LMX1A: variants seen among roughly 807,000 people sequenced by gnomAD.
The protein encoded by LMX1A is LIM homeobox transcription factor 1 alpha.
Under a neutral mutation model 49.1 loss-of-function variants are expected in LMX1A, and 15 were observed. The ratio of observed to expected loss-of-function variants is 0.31; its 90% confidence interval spans 0.20 to 0.47. The LOEUF is 0.47. Ranked by LOEUF, LMX1A falls within the 20% of genes least tolerant of loss-of-function variation. The probability of loss-of-function intolerance (pLI) is 1.00; values close to 1 mark genes in which losing one functional copy is unlikely to be tolerated. For synonymous variants in LMX1A, 167 were observed against 185.7 expected (o/e 0.90, Z 0.82); for missense variants, 372 against 475.8 (o/e 0.78, Z 2.03).
intron 4 of LMX1A, among the ~76,000 whole-genome samples, chr1:165,232,122 C>G (rs1652262218): frequency 6.6e-6 from 1 of 152,184 alleles, no homozygotes. Flanking sequence ...AAACCAGCCT[C>G]AAGGTCCACA....
chr1:165,225,761 A>ATGCTGC (rs201763619), intron 4 of LMX1A, among the ~76,000 whole-genome samples: 1 of 152,092 alleles, frequency 6.6e-6, no homozygotes, highest in Admixed American at 6.5e-5. Flanking sequence ...TTCCCAGGTG[A>ATGCTGC]TGCTGCTGCT....
chr1:165,327,336 G>T (rs971337419), intron 3 of LMX1A, among the ~76,000 whole-genome samples: 1 of 152,170 alleles, frequency 6.6e-6, no homozygotes, highest in African/African-American at 2.4e-5. Context: ...CCAAGCAGAG[G>T]CTCAAGCCAT....
At chr1:165,250,287 T>G (rs540720155) in intron 3 of LMX1A, among the ~76,000 whole-genome samples, 61 of 152,200 alleles carry the variant, frequency 4.0e-4, no homozygotes, top group African/African-American at 1.4e-3. Flanking sequence ...ATGCCCAGAA[T>G]GTATTTGCTG....
rs777169981 is a variant in LMX1A, at chr1:165,203,903, G to T, written c.1126C>A (p.Gln376Lys). Residue 376 changes from glutamine (Q) to lysine (K), a missense_variant, in exon 9 of 9, where the codon CAG becomes AAG. By Grantham distance (53) the Gln-to-Lys change is moderately conservative. This residue lies in a region of LMX1A where 127 missense variants were observed against 138.0 expected (regional missense o/e 0.92). Transcript: ENST00000342310. ...GNPIDHLYSMQNSYFTS is the reference protein window; with the variant it reads ...GNPIDHLYSMKNSYFTS Reference sequence around the variant, plus strand: ...ACTCAAGATGTGAAGTAAGAATTCTGCATGGAGTACAGATGGTCAATGGGG... The same window carrying T: ...ACTCAAGATGTGAAGTAAGAATTCTTCATGGAGTACAGATGGTCAATGGGG... 6.2e-7 allele frequency: 1 copy of T among 1,614,090 alleles called. No individual in the cohort carries two copies. Among genetic ancestry groups the T allele is most frequent in the Non-Finnish European group, 8.5e-7 (1 of 1,179,972 alleles).
intron 4 of LMX1A, among the ~76,000 whole-genome samples, chr1:165,231,687 TGTGTTTGGTGCAAAATTATA>T (rs1407112147): frequency 6.6e-6 from 1 of 152,248 alleles, no homozygotes. Flanking sequence ...CCCATGAACC[TGTGTTTGGTGCAAAATTATA>T]GTTGTTGTTA....
intron 4 of LMX1A, among the ~76,000 whole-genome samples, chr1:165,248,909 T>C (rs1376554164): frequency 4.6e-5 from 7 of 152,210 alleles, no homozygotes; most frequent in Admixed American, 4.6e-4. Context: ...TTAGCAGACA[T>C]GATGTGTGCA....
At chr1:165,240,501 C>G (rs762318897) in intron 4 of LMX1A, among the ~76,000 whole-genome samples, 7 of 152,172 alleles carry the variant, frequency 4.6e-5, no homozygotes. Flanking sequence ...TGCTGCTCAG[C>G]ATTCACTATT....
At chr1:165,265,203 CAAA>C (rs528674072) in intron 3 of LMX1A, among the ~76,000 whole-genome samples, 5 of 121,394 alleles carry the variant, frequency 4.1e-5, no homozygotes, top group Non-Finnish European at 1.7e-5. Context: ...GACTCTGTCT[CAAA>C]AAAAAAAAAA....
chr1:165,226,655 A>G (rs954862877), intron 4 of LMX1A, among the ~76,000 whole-genome samples: 20 of 152,214 alleles, frequency 1.3e-4, no homozygotes, highest in Admixed American at 3.3e-4. Context: ...TGCTGAGCTT[A>G]ACCTTGCTGT....
chr1:165,249,704 C>G (rs1418571607), intron 3 of LMX1A, 64 bp from the exon 4 acceptor site: 2 of 1,252,630 alleles, frequency 1.6e-6, no homozygotes, highest in African/African-American at 3.0e-5. Flanking sequence ...CCTGGGTCTC[C>G]CCTGAAGTCA....
intron 3 of LMX1A, among the ~76,000 whole-genome samples, chr1:165,251,360 G>A (rs1424817409): frequency 6.6e-6 from 1 of 152,180 alleles, no homozygotes; most frequent in African/African-American, 2.4e-5. Context: ...TAGGATTATA[G>A]GCATGAGCCA....
Position 165,261,054 on chromosome 1 carries a change from A to C in LMX1A, c.264-11414T>G, listed in dbSNP as rs375428222. Among the ~76,000 whole-genome samples, 15 of 152,300 alleles carry C rather than the reference A, an allele frequency of 9.8e-5. No homozygotes were observed. The East Asian group carries it at 2.1e-3, about 22-fold the overall frequency. ...AACAGCAGAATGTGGCACATTATAC[A>C]CACTCCAAAATCCAGCAGTAATGGA... On this transcript the variant is annotated intron_variant, in intron 3 of 8. Coordinates refer to ENST00000342310, the MANE Select transcript of LMX1A (RefSeq NM_177398.4).
intron 3 of LMX1A, among the ~76,000 whole-genome samples, chr1:165,279,938 T>C (rs1654097533): frequency 6.6e-6 from 1 of 151,760 alleles, no homozygotes; most frequent in Non-Finnish European, 1.5e-5. Context: ...AGACTGGGAC[T>C]AAGCTTGCTA....
chr1:165,329,806 G>C (rs6426910), intron 3 of LMX1A, among the ~76,000 whole-genome samples: 35,904 of 152,040 alleles, frequency 0.24, 4,820 homozygotes, highest in African/African-American at 0.34. Flanking sequence ...ATAATTTATA[G>C]AGTTATAGCA....
chr1:165,210,799 T>A, intron 5 of LMX1A, 23 bp from the exon 6 acceptor site: 1 of 1,582,830 alleles, frequency 6.3e-7, no homozygotes, highest in Non-Finnish European at 8.7e-7. Context: ...GAACGAGAAA[T>A]GTAGACACAC....
chr1:165,340,272 T>C (rs1211408776), intron 3 of LMX1A, among the ~76,000 whole-genome samples: 2 of 151,808 alleles, frequency 1.3e-5, no homozygotes, highest in Admixed American at 1.3e-4. Context: ...CTGGCTAATG[T>C]TTTTGTTTTT....
intron 4 of LMX1A, among the ~76,000 whole-genome samples, chr1:165,229,880 T>C (rs1652179797): frequency 6.6e-6 from 1 of 152,174 alleles, no homozygotes; most frequent in South Asian, 2.1e-4. Flanking sequence ...CATTGGGAAA[T>C]GCAGACCAAG....
intron 2 of LMX1A, 91 bp from the exon 3 acceptor site, chr1:165,353,353 C>A: frequency 1.0e-6 from 1 of 1,003,560 alleles, no homozygotes; most frequent in Non-Finnish European, 1.5e-6. Flanking sequence ...CCCTTCACAT[C>A]CACGGATTCC....
intron 3 of LMX1A, among the ~76,000 whole-genome samples, chr1:165,341,791 C>G (rs1484944244): frequency 1.3e-5 from 2 of 152,198 alleles, no homozygotes; most frequent in African/African-American, 2.4e-5. Context: ...ACCTTTAGTA[C>G]ATGAGTGATT....
Sources: allele counts gnomAD v4.1 joint callset (sites outside exome capture counted in the v4.1 genomes callset), GRCh38; gene constraint gnomAD v4.1.1; regional missense constraint gnomAD v4.1.1; transcripts MANE v1.5; gene names NCBI Gene and HGNC (gene_info 2026-07-23, HGNC 2026-07-21).